The following C7orf78 variants were observed in gnomAD, a reference collection of about 807,000 sequenced individuals.
C7orf78 encodes chromosome 7 open reading frame 78.
chr7:12,500,669 A>C, the C7orf78 span, among the ~76,000 whole-genome samples: 2 of 152,096 alleles, frequency 1.3e-5, no homozygotes, highest in Non-Finnish European at 2.9e-5. Context: ...GAATTGGTAC[A>C]ATTCCTTCTG....
At chr7:12,509,852 A>G in the C7orf78 span, among the ~76,000 whole-genome samples, 2 of 152,110 alleles carry the variant, frequency 1.3e-5, no homozygotes, top group South Asian at 4.1e-4. Context: ...TGGGAGGCCA[A>G]GGCAGGTGGA....
At chr7:12,523,775 A>C in the C7orf78 span, among the ~76,000 whole-genome samples, 3 of 152,160 alleles carry the variant, frequency 2.0e-5, no homozygotes, top group Non-Finnish European at 4.4e-5. Flanking sequence ...CTACTAATAA[A>C]ATAAATTTGT....
At chr7:12,486,040 G>A in the C7orf78 span, among the ~76,000 whole-genome samples, 4 of 152,056 alleles carry the variant, frequency 2.6e-5, no homozygotes, top group African/African-American at 9.7e-5. Context: ...CTCTGAAAAT[G>A]CTGACAATAT....
chr7:12,514,109 C>T, the C7orf78 span, among the ~76,000 whole-genome samples: 1 of 152,166 alleles, frequency 6.6e-6, no homozygotes, highest in Non-Finnish European at 1.5e-5. Flanking sequence ...TACTGATTTT[C>T]TGTCCACATG....
the C7orf78 span, among the ~76,000 whole-genome samples, chr7:12,524,034 G>C: frequency 6.6e-6 from 1 of 152,148 alleles, no homozygotes; most frequent in African/African-American, 2.4e-5. Flanking sequence ...GCTAGGCAAA[G>C]AGTTAAACAG....
the C7orf78 span, among the ~76,000 whole-genome samples, chr7:12,531,524 A>G: frequency 1.3e-5 from 2 of 152,140 alleles, no homozygotes; most frequent in Non-Finnish European, 2.9e-5. Flanking sequence ...AGGTTTTTGG[A>G]GAATTAAATA....
chr7:12,489,836 G>A, the C7orf78 span, among the ~76,000 whole-genome samples: 10 of 152,096 alleles, frequency 6.6e-5, no homozygotes, highest in African/African-American at 2.4e-4. Context: ...GATGGGTGGG[G>A]AAGTAATGAA....
At chr7:12,505,629 A>G in the C7orf78 span, among the ~76,000 whole-genome samples, 1 of 152,192 alleles carries the variant, frequency 6.6e-6, no homozygotes, top group Non-Finnish European at 1.5e-5. Flanking sequence ...GACAACCTAT[A>G]GGTTTTATAA....
At chr7:12,528,646 C>G in the C7orf78 span, among the ~76,000 whole-genome samples, 58 of 152,236 alleles carry the variant, frequency 3.8e-4, no homozygotes, top group African/African-American at 1.4e-3. Context: ...ATATACCATC[C>G]CACAGGAGAC....
At chr7:12,524,438 C>A in the C7orf78 span, among the ~76,000 whole-genome samples, 1 of 152,104 alleles carries the variant, frequency 6.6e-6, no homozygotes, top group East Asian at 1.9e-4. Flanking sequence ...ATATATGTTA[C>A]CTTTTAGAGA....
chr7:12,519,879 T>G, the C7orf78 span, among the ~76,000 whole-genome samples: 1 of 152,198 alleles, frequency 6.6e-6, no homozygotes. Context: ...CAGAGCAGGA[T>G]GCAGAATGGT....
chr7:12,528,487 ATCTAGCTGTGTAATT>A, the C7orf78 span, among the ~76,000 whole-genome samples: 1 of 147,342 alleles, frequency 6.8e-6, no homozygotes, highest in Non-Finnish European at 1.5e-5. Context: ...AGAAAATGCC[ATCTAGCTGTGTAATT>A]GAAATGGAAA....
the C7orf78 span, among the ~76,000 whole-genome samples, chr7:12,524,279 A>G: frequency 6.6e-6 from 1 of 152,336 alleles, no homozygotes; most frequent in African/African-American, 2.4e-5. Context: ...CAGTATATGC[A>G]AAGCACAACA....
the C7orf78 span, among the ~76,000 whole-genome samples, chr7:12,513,187 CTTTCTTTCTTTCTT>C: frequency 4.0e-5 from 6 of 149,616 alleles, no homozygotes; most frequent in Non-Finnish European, 8.9e-5. Context: ...TACCTTTTTT[CTTTCTTTCTTTCTT>C]TTTCTTTCTT....
At chr7:12,521,616 C>A in the C7orf78 span, among the ~76,000 whole-genome samples, 1 of 148,250 alleles carries the variant, frequency 6.7e-6, no homozygotes, top group African/African-American at 2.5e-5. Context: ...TATCATGTCA[C>A]CTAAATCGTT....
the C7orf78 span, among the ~76,000 whole-genome samples, chr7:12,535,143 A>G: frequency 6.6e-6 from 1 of 152,244 alleles, no homozygotes; most frequent in Non-Finnish European, 1.5e-5. Context: ...CCACCAAAAT[A>G]GCCAAAATAA....
At chr7:12,531,197 C>G in the C7orf78 span, 3 of 394,638 alleles carry the variant, frequency 7.6e-6, no homozygotes, top group Non-Finnish European at 1.3e-5. Context: ...TATAAGTGCT[C>G]TACTGTCATA....
chr7:12,523,947 T>G, the C7orf78 span, among the ~76,000 whole-genome samples: 1 of 152,162 alleles, frequency 6.6e-6, no homozygotes, highest in Non-Finnish European at 1.5e-5. Flanking sequence ...GGTCAAATAT[T>G]TATGCAAAAT....
At chr7:12,511,918 A>ATTTTTTT in the C7orf78 span, among the ~76,000 whole-genome samples, 27 of 80,564 alleles carry the variant, frequency 3.4e-4, no homozygotes, top group African/African-American at 4.2e-4. Context: ...CACCTGGCTA[A>ATTTTTTT]TTTTTTTTTT....
Sources: allele counts gnomAD v4.1 joint callset (sites outside exome capture counted in the v4.1 genomes callset), GRCh38; gene constraint gnomAD v4.1.1; transcripts MANE v1.5; gene names NCBI Gene and HGNC (gene_info 2026-07-23, HGNC 2026-07-21).